The following PCNX4 variants were observed in gnomAD, a reference collection of about 807,000 sequenced individuals.
PCNX4 encodes pecanex-like protein 4.
PCNX4 carries 103 observed loss-of-function variants against 107.2 expected under a neutral mutation model. The ratio of observed to expected loss-of-function variants is 0.96; its 90% CI spans 0.82 to 1.13. PCNX4 has a LOEUF of 1.13. PCNX4 is among the 50% of genes most tolerant of loss of function. The pLI is 0.00. For missense variants in PCNX4, 1,528 were observed against 1,379.4 expected (o/e 1.11, Z -1.71); for synonymous variants, 541 against 481.7 (o/e 1.12, Z -1.61).
chr14:60,112,333 C>G (rs1354763622), intron 2 of PCNX4, among the ~76,000 whole-genome samples: 1 of 152,052 alleles, frequency 6.6e-6, no homozygotes, highest in Non-Finnish European at 1.5e-5. Flanking sequence ...TGTTAGGTTC[C>G]AAACTAAGTT....
Position 60,115,025 on chromosome 14 carries a change from C to A in PCNX4, c.921C>A (p.Phe307Leu). 8 of 1,612,616 alleles carry A rather than the reference C, an allele frequency of 5.0e-6. No homozygotes were observed. Among genetic ancestry groups the A allele is most frequent in the Non-Finnish European group, 5.9e-6 (7 of 1,178,978 alleles). The change falls in exon 4 of 11, where the codon TTC (phenylalanine) becomes TTA (leucine). Residue 307 changes from phenylalanine to leucine, a missense_variant. Transcript: ENST00000406854. ...MSAGTAIASY[F>L]IPSTVGVVLF... ...CTGGAACAGCTATAGCATCATATTT[C>A]ATTCCAAGCACTGTTGGTGTGGTTC... is the stretch of plus-strand genomic sequence containing the variant.
intron 7 of PCNX4, among the ~76,000 whole-genome samples, chr14:60,120,330 C>T (rs1333735524): frequency 6.6e-6 from 1 of 152,130 alleles, no homozygotes; most frequent in East Asian, 1.9e-4. Context: ...CAGGCGCTGT[C>T]TGCCTAGGAC....
At position 60,145,011 on chromosome 14, in the gene PCNX4, A is replaced by G; in HGVS notation, c.*10790A>G. On this transcript the variant is annotated 3_prime_UTR_variant, in exon 11 of 11. Transcript: ENST00000406854. The surrounding 1 kb of genome is among the most constrained non-coding windows in gnomAD (Gnocchi z 4.0). ...AGATTTTAAAATAAGAAGAGTCTGC[A>G]TCCTGTAAAAGAGGGACAGAAACAT... is the stretch of plus-strand genomic sequence containing the variant. 6.3e-7 allele frequency: 1 copy of G among 1,589,240 alleles called. No individual in the cohort carries two copies. The highest frequency in any genetic ancestry group is 8.5e-7 in the Non-Finnish European group (1 of 1,172,770).
At position 60,115,136 on chromosome 14, in the gene PCNX4, C is replaced by G; in HGVS notation, c.1032C>G (p.Pro344=). 1 of 1,613,674 alleles carries G rather than the reference C, an allele frequency of 6.2e-7. No homozygotes were observed. The highest frequency in any genetic ancestry group is 8.5e-7 in the Non-Finnish European group (1 of 1,179,708). The part of the protein sequence containing the change: ...HKIGTKSKDL[P]SGPEKHFSWK... The stretch of plus-strand genomic sequence containing the variant: ...TTGGAACCAAATCTAAGGATTTACC[C>G]AGTGGTCCGGAAAAACATTTTTCAT... The change falls in exon 4 of 11, where the codon CCC becomes CCG. Residue 344 remains proline (P), a synonymous_variant. Transcript: ENST00000406854.
rs1345351663 is a variant in PCNX4, at chr14:60,137,386, C to T, written c.*3165C>T. ...GGGTTGTGACCCCAAGGACCATATCCAAATTGTAAGGGTGAAGAAAAACCA... is the reference window on the plus strand; with the variant it reads ...GGGTTGTGACCCCAAGGACCATATCTAAATTGTAAGGGTGAAGAAAAACCA... On this transcript the variant is annotated 3_prime_UTR_variant, in exon 11 of 11. Coordinates refer to ENST00000406854, the MANE Select transcript of PCNX4 (RefSeq NM_001330177.2). The T allele has an allele frequency of 6.6e-6, 1 of 152,208 alleles. No individual in the cohort carries two copies. The highest frequency in any genetic ancestry group is 1.5e-5 in the Non-Finnish European group (1 of 68,060). 9.4% of individuals were successfully genotyped at this position (152,208 alleles called of 1,614,324 possible).
chr14:60,128,339 C>G (rs561302420), intron 10 of PCNX4, among the ~76,000 whole-genome samples: 1 of 152,084 alleles, frequency 6.6e-6, no homozygotes, highest in African/African-American at 2.4e-5. Context: ...CTTGAAAGCA[C>G]CAAGTAAAAA....
rs929320605 is a variant in PCNX4, at chr14:60,138,672, C to G, written c.*4451C>G. On this transcript the variant is annotated 3_prime_UTR_variant, in exon 11 of 11. Coordinates refer to ENST00000406854, the MANE Select transcript of PCNX4 (RefSeq NM_001330177.2). ...TTAAGAATGAAGGCAAAGACACTTT[C>G]AAACGCAACAAATTTAATAGCAGAT... 6.6e-6 allele frequency: 1 copy of G among 152,026 alleles called. No homozygotes were observed. The highest frequency in any genetic ancestry group is 6.5e-5 in the Admixed American group (1 of 15,270). The allele number at this position is 152,026 out of a possible 1,614,324, so 9.4% of individuals were successfully genotyped here. A position where few individuals can be genotyped will look rare whatever the true frequency, so the allele number is the denominator to read the frequency against.
At chr14:60,130,861 G>C (rs531158010) in intron 10 of PCNX4, among the ~76,000 whole-genome samples, 2 of 152,184 alleles carry the variant, frequency 1.3e-5, no homozygotes, top group African/African-American at 4.8e-5. Context: ...CAGCACTTTG[G>C]GAGGCCGAGG....
At chr14:60,096,159 A>G (rs76451241) in intron 1 of PCNX4, among the ~76,000 whole-genome samples, 1 of 64,146 alleles carries the variant, frequency 1.6e-5, no homozygotes, top group Non-Finnish European at 4.5e-5. Context: ...CTGGGTTTTC[A>G]TATCAGTCAT....
chr14:60,114,649 A>C, intron 2 of PCNX4, 51 bp from the exon 3 acceptor site: 30 of 1,219,510 alleles, frequency 2.5e-5, no homozygotes, highest in Non-Finnish European at 3.4e-5. Flanking sequence ...TTCTTAAAAG[A>C]TCCTCTTCTA....
chr14:60,127,201 G>A (rs144226932), intron 10 of PCNX4, among the ~76,000 whole-genome samples: 230 of 152,326 alleles, frequency 1.5e-3, no homozygotes, highest in African/African-American at 5.1e-3. Flanking sequence ...GCAAACTAAT[G>A]TTTAGGAGAC....
At chr14:60,097,157 C>A (rs1013647648) in intron 1 of PCNX4, among the ~76,000 whole-genome samples, 10 of 152,186 alleles carry the variant, frequency 6.6e-5, no homozygotes, top group African/African-American at 2.2e-4. Context: ...TCTAAACCCC[C>A]CAACCATCAC....
Position 60,143,345 on chromosome 14 carries a change from A to G in PCNX4, c.*9124A>G, listed in dbSNP as rs1030190796. 6 of 152,196 alleles carry G rather than the reference A, an allele frequency of 3.9e-5. No homozygotes were observed. The highest frequency in any genetic ancestry group is 1.4e-4 in the African/African-American group (6 of 41,440). 9.4% of individuals were successfully genotyped at this position (152,196 alleles called of 1,614,324 possible). A position where few individuals can be genotyped will look rare whatever the true frequency, so the allele number is the denominator to read the frequency against. On this transcript the variant is annotated 3_prime_UTR_variant, in exon 11 of 11. Coordinates refer to ENST00000406854, the MANE Select transcript of PCNX4 (RefSeq NM_001330177.2). ...GAATTATTCCAATCTTTTCATTCTTATAATTGGTGTGTTGTATTCAATAAA... is the reference window on the plus strand; with the variant it reads ...GAATTATTCCAATCTTTTCATTCTTGTAATTGGTGTGTTGTATTCAATAAA...
intron 2 of PCNX4, chr14:60,108,794 G>T (rs219312): frequency 4.5e-4 from 38 of 85,272 alleles, no homozygotes; most frequent in Non-Finnish European, 1.5e-4. Flanking sequence ...AAACCAACTT[G>T]TTACAGAAGA....
At chr14:60,111,553 A>G (rs1332904480) in intron 2 of PCNX4, among the ~76,000 whole-genome samples, 1 of 152,202 alleles carries the variant, frequency 6.6e-6, no homozygotes, top group Non-Finnish European at 1.5e-5. Context: ...TATTTTCAGA[A>G]TACAAATTCT....
At position 60,141,681 on chromosome 14, in the gene PCNX4, T is replaced by C. The variant is rs1192807014; in HGVS notation, c.*7460T>C. On this transcript the variant is annotated 3_prime_UTR_variant, in exon 11 of 11. Transcript: ENST00000406854. ...GATGCCCTGGCTTCTTTGAGGTTCTTCCATGTTGTTTTATGTATCAATCAT... is the reference window on the plus strand; with the variant it reads ...GATGCCCTGGCTTCTTTGAGGTTCTCCCATGTTGTTTTATGTATCAATCAT... 1 of 152,264 alleles carries C rather than the reference T, an allele frequency of 6.6e-6. No individual in the cohort carries two copies. Among genetic ancestry groups the C allele is most frequent in the Non-Finnish European group, 1.5e-5 (1 of 68,050 alleles). 9.4% of individuals were successfully genotyped at this position (152,264 alleles called of 1,614,324 possible). A position where few individuals can be genotyped will look rare whatever the true frequency, so the allele number is the denominator to read the frequency against.
rs984997866 is a variant in PCNX4 at position 60,137,201 on chromosome 14, A to G, written c.*2980A>G. ...TCAGCATTTGGGCTGCTTTTCTTAT[A>G]GGAGACATGCCAATTCAGGATAAGG... On this transcript the variant is annotated 3_prime_UTR_variant, in exon 11 of 11. Coordinates refer to ENST00000406854, the MANE Select transcript of PCNX4 (RefSeq NM_001330177.2). 61 of 152,260 alleles carry G rather than the reference A, an allele frequency of 4.0e-4. No individual in the cohort carries two copies. Among genetic ancestry groups the G allele is most frequent in the African/African-American group, 1.4e-3 (59 of 41,466 alleles). 9.4% of individuals were successfully genotyped at this position (152,260 alleles called of 1,614,324 possible). A position where few individuals can be genotyped will look rare whatever the true frequency, so the allele number is the denominator to read the frequency against.
chr14:60,133,892 A>T, intron 10 of PCNX4, 78 bp from the exon 11 acceptor site: 1 of 1,394,212 alleles, frequency 7.2e-7, no homozygotes, highest in Non-Finnish European at 9.6e-7. Flanking sequence ...ATTTTTCTCT[A>T]AGTTTATGAA....
At chr14:60,095,677 T>A (rs961401547) in intron 1 of PCNX4, among the ~76,000 whole-genome samples, 1 of 151,932 alleles carries the variant, frequency 6.6e-6, no homozygotes, top group Non-Finnish European at 1.5e-5. Context: ...CTCAGGTTGG[T>A]TTTTCCTCCC....
Sources: allele counts gnomAD v4.1 joint callset (sites outside exome capture counted in the v4.1 genomes callset), GRCh38; gene constraint gnomAD v4.1.1; non-coding constraint Gnocchi (gnomAD v3.1); transcripts MANE v1.5; gene names NCBI Gene and HGNC (gene_info 2026-07-23, HGNC 2026-07-21).